The following TNKS variants were observed in gnomAD, a reference collection of about 807,000 sequenced individuals.
The protein encoded by TNKS is poly [ADP-ribose] polymerase tankyrase-1.
Under a neutral mutation model 135.8 loss-of-function variants are expected in TNKS, and 72 were observed. The observed-to-expected ratio is 0.53, with a 90% CI of 0.44 to 0.64. TNKS has a LOEUF of 0.64. Ranked by LOEUF, TNKS falls within the 30% of genes least tolerant of loss-of-function variation. The pLI is 0.00. For synonymous variants in TNKS, 849 were observed against 649.3 expected (o/e 1.31, Z -4.68); for missense variants, 1,769 against 1,674.0 (o/e 1.06, Z -0.99).
intron 13 of TNKS, among the ~76,000 whole-genome samples, chr8:9,728,958 G>C (rs4305907): frequency 0.7 from 106,627 of 152,040 alleles, 37,934 homozygotes; most frequent in Admixed American, 0.8. Context: ...ACCATAGACT[G>C]GGCAATTTCT....
At chr8:9,727,484 C>A (rs909218323) in intron 13 of TNKS, among the ~76,000 whole-genome samples, 1 of 152,040 alleles carries the variant, frequency 6.6e-6, no homozygotes, top group Non-Finnish European at 1.5e-5. Flanking sequence ...CCCAGGCAGG[C>A]CTCAAACTCC....
chr8:9,706,875 A>G lies in TNKS; in HGVS notation c.1334A>G (p.Lys445Arg), dbSNP rs759476686. The G allele has an allele frequency of 3.7e-6, 6 of 1,614,090 alleles. No homozygotes were observed. The highest frequency in any genetic ancestry group is 3.4e-6 in the Non-Finnish European group (4 of 1,179,984). The part of the protein sequence containing the change: ...QFTPLHEAAS[K>R]NRVEVCSLLL... ...ACTCCACTGCACGAGGCTGCTTCCAAGAACCGTGTAGAAGTCTGCTCTTTG... is the reference window on the plus strand; with the variant it reads ...ACTCCACTGCACGAGGCTGCTTCCAGGAACCGTGTAGAAGTCTGCTCTTTG... Residue 445 changes from lysine to arginine, a missense_variant, in exon 8 of 27, where the codon AAG (lysine) becomes AGG (arginine). Lys to Arg is a conservative substitution (Grantham distance 26). Coordinates refer to ENST00000310430, the MANE Select transcript of TNKS (RefSeq NM_003747.3).
intron 1 of TNKS, among the ~76,000 whole-genome samples, chr8:9,574,829 A>G (rs1011207423): frequency 2.0e-5 from 3 of 151,962 alleles, no homozygotes; most frequent in Non-Finnish European, 2.9e-5. Context: ...TGGAGATGCC[A>G]TTTCTTCCTT....
chr8:9,582,322 T>G (rs1798197171), intron 2 of TNKS, among the ~76,000 whole-genome samples: 1 of 152,112 alleles, frequency 6.6e-6, no homozygotes, highest in Non-Finnish European at 1.5e-5. Flanking sequence ...GTTTTTTTTT[T>G]GTTTGTTTGT....
At chr8:9,696,842 G>A (rs1803536097) in intron 5 of TNKS, among the ~76,000 whole-genome samples, 2 of 152,258 alleles carry the variant, frequency 1.3e-5, no homozygotes, top group Non-Finnish European at 1.5e-5. Context: ...CTCATGGATT[G>A]GAAGAATCAG....
intron 2 of TNKS, among the ~76,000 whole-genome samples, chr8:9,608,270 C>T (rs183828781): frequency 3.3e-5 from 5 of 152,256 alleles, no homozygotes; most frequent in African/African-American, 1.2e-4. Flanking sequence ...TCCTCTGTTG[C>T]ATCATCAGTG....
intron 5 of TNKS, among the ~76,000 whole-genome samples, chr8:9,695,024 A>C (rs969198656): frequency 6.6e-6 from 1 of 152,200 alleles, no homozygotes; most frequent in Non-Finnish European, 1.5e-5. Context: ...TGTACCCAGC[A>C]GTCATTTGTG....
At chr8:9,770,746 A>T (rs995791367) in intron 26 of TNKS, among the ~76,000 whole-genome samples, 1 of 152,254 alleles carries the variant, frequency 6.6e-6, no homozygotes, top group African/African-American at 2.4e-5. Context: ...CTATGAAAAC[A>T]GTATTTTATA....
chr8:9,613,143 G>T (rs1431522004), intron 2 of TNKS, among the ~76,000 whole-genome samples: 1 of 152,142 alleles, frequency 6.6e-6, no homozygotes, highest in Non-Finnish European at 1.5e-5. Flanking sequence ...GTTATTGTCA[G>T]CTACAGTTGA....
intron 10 of TNKS, 27 bp from the exon 11 acceptor site, chr8:9,710,115 C>T: frequency 6.2e-7 from 1 of 1,612,106 alleles, no homozygotes; most frequent in Non-Finnish European, 8.5e-7. Flanking sequence ...AGACAATTAC[C>T]TTTTCTTTCT....
At chr8:9,657,237 G>C (rs1585287024) in intron 3 of TNKS, among the ~76,000 whole-genome samples, 1 of 127,124 alleles carries the variant, frequency 7.9e-6, no homozygotes, top group East Asian at 2.3e-4. Flanking sequence ...GGGGCGGCTG[G>C]CCGGGCGGGG....
intron 20 of TNKS, among the ~76,000 whole-genome samples, chr8:9,754,151 T>G (rs559823294): frequency 6.6e-6 from 1 of 152,190 alleles, no homozygotes; most frequent in Non-Finnish European, 1.5e-5. Context: ...GCAGACACTT[T>G]TCTTCCAAGG....
chr8:9,664,683 T>C (rs1392166332), intron 3 of TNKS, among the ~76,000 whole-genome samples: 1 of 152,186 alleles, frequency 6.6e-6, no homozygotes, highest in East Asian at 1.9e-4. Flanking sequence ...TGAACTGCAT[T>C]TAGAGAACTG....
chr8:9,660,673 G>A (rs970710071), intron 3 of TNKS, among the ~76,000 whole-genome samples: 3 of 152,092 alleles, frequency 2.0e-5, no homozygotes, highest in African/African-American at 7.2e-5. Flanking sequence ...TTAAACACTG[G>A]CACAAGACAG....
intron 8 of TNKS, 49 bp downstream of exon 8, chr8:9,707,046 A>C (rs1804081872): frequency 6.9e-7 from 1 of 1,458,276 alleles, no homozygotes; most frequent in Non-Finnish European, 9.1e-7. Flanking sequence ...GGAATATTTA[A>C]TTTCTGTTGA....
At chr8:9,568,574 A>G (rs886725246) in intron 1 of TNKS, among the ~76,000 whole-genome samples, 1 of 152,228 alleles carries the variant, frequency 6.6e-6, no homozygotes, top group African/African-American at 2.4e-5. Flanking sequence ...TAATGAAAAG[A>G]AGCTATTTTC....
In TNKS at chr8:9,751,647, C is replaced by T. The variant is rs762285435; in HGVS notation, c.2871C>T (p.Pro957=). The part of the protein sequence containing the change: ...DIRALLIDAM[P]PEALPTCFKP... The stretch of plus-strand genomic sequence containing the variant: ...GAGCTTTGCTGATAGATGCCATGCC[C>T]CCAGAGGCCTTACCTACCTGTTTTA... Residue 957 remains proline, a synonymous_variant, in exon 19 of 27, where the codon CCC becomes CCT. Transcript: ENST00000310430. 2 of 1,614,114 alleles carry T rather than the reference C, an allele frequency of 1.2e-6. No homozygotes were observed. The highest frequency in any genetic ancestry group is 1.1e-5 in the South Asian group (1 of 91,070).
chr8:9,724,465 A>G (rs371580503), intron 12 of TNKS, among the ~76,000 whole-genome samples: 28 of 152,292 alleles, frequency 1.8e-4, no homozygotes, highest in African/African-American at 6.7e-4. Context: ...CATGTTATAC[A>G]AACCTAGCAT....
At chr8:9,664,691 C>T (rs1382755143) in intron 3 of TNKS, among the ~76,000 whole-genome samples, 1 of 152,144 alleles carries the variant, frequency 6.6e-6, no homozygotes, top group African/African-American at 2.4e-5. Context: ...ATTTAGAGAA[C>T]TGAAGATGGT....
Sources: allele counts gnomAD v4.1 joint callset (sites outside exome capture counted in the v4.1 genomes callset), GRCh38; gene constraint gnomAD v4.1.1; transcripts MANE v1.5; gene names NCBI Gene and HGNC (gene_info 2026-07-23, HGNC 2026-07-21).